The following NRG3 variants were observed in gnomAD, a reference collection of about 807,000 sequenced individuals.
The protein encoded by NRG3 is neuregulin 3, also known as pro-neuregulin-3, membrane-bound isoform.
Under a neutral mutation model 66.9 loss-of-function variants are expected in NRG3, and 31 were observed. That is an observed-to-expected ratio of 0.46 (90% CI 0.35 to 0.63). The LOEUF is 0.63. Among genes scored for constraint, NRG3 ranks in the 20% least tolerant of loss-of-function variants. The pLI, the probability that NRG3 is intolerant of heterozygous loss-of-function variation, is 0.00. For missense variants in NRG3, 910 were observed against 878.9 expected (o/e 1.04, Z -0.45); for synonymous variants, 393 against 359.4 (o/e 1.09, Z -1.06).
At chr10:82,682,428 G>GATAA (rs1252883894) in intron 2 of NRG3, among the ~76,000 whole-genome samples, 1 of 151,992 alleles carries the variant, frequency 6.6e-6, no homozygotes, top group Non-Finnish European at 1.5e-5. Context: ...TAGATAGATA[G>GATAA]ATAGATAGAT....
At chr10:82,445,778 G>A (rs2090690003) in intron 2 of NRG3, among the ~76,000 whole-genome samples, 1 of 151,988 alleles carries the variant, frequency 6.6e-6, no homozygotes, top group African/African-American at 2.4e-5. Flanking sequence ...CACTGATTTG[G>A]GTCTTTCTAT....
At chr10:82,241,612 A>T (rs61863007) in intron 1 of NRG3, among the ~76,000 whole-genome samples, 13,771 of 152,168 alleles carry the variant, frequency 0.09, 777 homozygotes, top group Non-Finnish European at 0.14. Context: ...GTAAGTCCGT[A>T]TTTCTTTAGA....
At chr10:81,919,227 C>T (rs1846014165) in intron 1 of NRG3, among the ~76,000 whole-genome samples, 1 of 152,242 alleles carries the variant, frequency 6.6e-6, no homozygotes, top group South Asian at 2.1e-4. Flanking sequence ...GGCCCCAGGG[C>T]TGAAAAGAAG....
intron 2 of NRG3, among the ~76,000 whole-genome samples, chr10:82,424,418 A>G (rs148271540): frequency 0.01 from 1,572 of 152,072 alleles, 20 homozygotes; most frequent in African/African-American, 0.034. Flanking sequence ...CACTTTTTGT[A>G]TGCTTATTGG....
At chr10:82,352,841 C>G (rs1283114962) in intron 1 of NRG3, among the ~76,000 whole-genome samples, 1 of 150,620 alleles carries the variant, frequency 6.6e-6, no homozygotes, top group Non-Finnish European at 1.5e-5. Context: ...CCGAGATAAG[C>G]CATGACATGA....
At chr10:82,042,185 C>G (rs1221521458) in intron 1 of NRG3, among the ~76,000 whole-genome samples, 1 of 151,790 alleles carries the variant, frequency 6.6e-6, no homozygotes, top group Non-Finnish European at 1.5e-5. Context: ...TTATAGAGAA[C>G]AGAATTTTTT....
At chr10:82,738,807 C>G (rs565566530) in intron 3 of NRG3, among the ~76,000 whole-genome samples, 157 bp downstream of exon 3, 1 of 152,308 alleles carries the variant, frequency 6.6e-6, no homozygotes, top group African/African-American at 2.4e-5. Context: ...TCAAAGCATC[C>G]TCAGAGCTGG....
At position 82,846,252 on chromosome 10, in the gene NRG3, G is replaced by C. The variant is rs141108636; in HGVS notation, c.1028-19159G>C. Among the ~76,000 whole-genome samples the C allele has an allele frequency of 5.1e-4, 78 of 152,158 alleles. 1 individual carries two copies. Among genetic ancestry groups the C allele is most frequent in the African/African-American group, 1.9e-3 (78 of 41,528 alleles). On this transcript the variant is annotated intron_variant, in intron 3 of 8. Coordinates refer to ENST00000372141, the MANE Select transcript of NRG3 (RefSeq NM_001010848.4). ...TAACCAGTGGATTTTGGCTACGAGAGAAAAAGAGATAGCAAACAAGCTTGG... is the reference window on the plus strand; with the variant it reads ...TAACCAGTGGATTTTGGCTACGAGACAAAAAGAGATAGCAAACAAGCTTGG...
chr10:82,391,622 A>G (rs887265518), intron 2 of NRG3, among the ~76,000 whole-genome samples: 4 of 152,206 alleles, frequency 2.6e-5, no homozygotes, highest in African/African-American at 4.8e-5. Context: ...GTGTGGTCAC[A>G]GGAATGACTA....
At chr10:82,547,543 A>C (rs2044005815) in intron 2 of NRG3, among the ~76,000 whole-genome samples, 1 of 151,382 alleles carries the variant, frequency 6.6e-6, no homozygotes, top group Admixed American at 6.6e-5. Context: ...ATAGACACAC[A>C]TATACATGCA....
At chr10:82,902,571 G>A (rs1437259076) in intron 4 of NRG3, among the ~76,000 whole-genome samples, 2 of 152,060 alleles carry the variant, frequency 1.3e-5, no homozygotes, top group Non-Finnish European at 2.9e-5. Context: ...GTGTGACTCA[G>A]TTTCCAAAGT....
chr10:82,220,919 T>C (rs1326460986), intron 1 of NRG3, among the ~76,000 whole-genome samples: 1 of 152,156 alleles, frequency 6.6e-6, no homozygotes, highest in Non-Finnish European at 1.5e-5. Flanking sequence ...AGGAGTTGGA[T>C]GCTGCAGTGA....
chr10:82,074,371 G>A (rs184643420), intron 1 of NRG3, among the ~76,000 whole-genome samples: 9 of 152,158 alleles, frequency 5.9e-5, no homozygotes, highest in Admixed American at 1.3e-4. Context: ...TAGTAGAAAC[G>A]TTGGATTTTA....
At chr10:82,596,033 G>T (rs2047254363) in intron 2 of NRG3, among the ~76,000 whole-genome samples, 2 of 152,132 alleles carry the variant, frequency 1.3e-5, no homozygotes, top group Non-Finnish European at 2.9e-5. Flanking sequence ...ACCTATGAGT[G>T]AATTGATGAA....
intron 4 of NRG3, among the ~76,000 whole-genome samples, chr10:82,944,434 A>C (rs1362437325): frequency 6.6e-6 from 1 of 152,210 alleles, no homozygotes; most frequent in Non-Finnish European, 1.5e-5. Flanking sequence ...ATGAACTGAC[A>C]ATTAAGTAAA....
chr10:82,713,959 A>G (rs11195687), intron 2 of NRG3, among the ~76,000 whole-genome samples: 33,746 of 151,970 alleles, frequency 0.22, 3,976 homozygotes, highest in Middle Eastern at 0.35. Flanking sequence ...CCAGAGACAG[A>G]CCTGAAGGAG....
intron 2 of NRG3, among the ~76,000 whole-genome samples, chr10:82,435,864 T>G (rs948524530): frequency 6.6e-6 from 1 of 151,488 alleles, no homozygotes; most frequent in African/African-American, 2.4e-5. Context: ...TGAGTGAGTT[T>G]CTTAATCCTG....
chr10:81,914,188 C>T (rs538671762), intron 1 of NRG3, among the ~76,000 whole-genome samples: 8 of 152,230 alleles, frequency 5.3e-5, no homozygotes, highest in Non-Finnish European at 8.8e-5. Flanking sequence ...ACAATGAACA[C>T]GTATTACCTT....
At chr10:81,929,441 C>T (rs72835848) in intron 1 of NRG3, among the ~76,000 whole-genome samples, 2,951 of 152,258 alleles carry the variant, frequency 0.019, 41 homozygotes, top group Non-Finnish European at 0.032. Flanking sequence ...TACCATGCTT[C>T]GGTTGAATTT....
Sources: allele counts gnomAD v4.1 joint callset (sites outside exome capture counted in the v4.1 genomes callset), GRCh38; gene constraint gnomAD v4.1.1; transcripts MANE v1.5; gene names NCBI Gene and HGNC (gene_info 2026-07-23, HGNC 2026-07-21).